TSC2: variants seen among roughly 807,000 people sequenced by gnomAD.
TSC2 encodes tuberin.
TSC2 carries 29 observed loss-of-function variants against 202.2 expected under a neutral mutation model. That is an observed-to-expected ratio of 0.14 (90% CI 0.11 to 0.20). The LOEUF (loss-of-function observed/expected upper bound fraction) is 0.20. TSC2 is among the 10% of genes least tolerant of loss of function. The pLI, the probability that TSC2 is intolerant of heterozygous loss-of-function variation, is 1.00. For missense variants in TSC2, 2,429 were observed against 2,420.0 expected (o/e 1.00, Z -0.08); for synonymous variants, 1,349 against 1,044.0 (o/e 1.29, Z -5.63).
rs575957476 is a variant in TSC2, at chr16:2,068,176, A to G, written c.1717-2280A>G. 5.3e-5 allele frequency among the ~76,000 whole-genome samples: 8 copies of G among 152,238 alleles called. No homozygotes were observed. The South Asian group carries it at 1.7e-3, about 32-fold the overall frequency. On this transcript the variant is annotated intron_variant, in intron 16 of 41. Transcript: ENST00000219476. ...TGCCTCAGCCTCCTGAGTAGCTGAG[A>G]TGACAGGTGCGCACCACCACACCTG...
At position 2,081,729 on chromosome 16, in the gene TSC2, C is replaced by T. The variant is rs1596400436; in HGVS notation, c.3745C>T (p.Leu1249=). ...ERFKEHRDTA[L]YKSLSVPAAS... ...CTTCAAGGAGCACCGGGACACAGCCCTGTACAAGTCACTGTCGGTGCCGGC... is the reference window on the plus strand; with the variant it reads ...CTTCAAGGAGCACCGGGACACAGCCTTGTACAAGTCACTGTCGGTGCCGGC... Residue 1249 remains leucine, a synonymous_variant, in exon 31 of 42, where the codon CTG becomes TTG. Coordinates refer to ENST00000219476, the MANE Select transcript of TSC2 (RefSeq NM_000548.5). The T allele has an allele frequency of 6.2e-7, 1 of 1,612,992 alleles. No individual in the cohort carries two copies. Among genetic ancestry groups the T allele is most frequent in the Non-Finnish European group, 8.5e-7 (1 of 1,180,018 alleles).
At chr16:2,080,518 C>T (rs965176799) in intron 30 of TSC2, 141 bp downstream of exon 30, 1 of 978,272 alleles carries the variant, frequency 1.0e-6, no homozygotes, top group South Asian at 1.7e-5. Context: ...GAGTCTTGCT[C>T]TGTGGCCCAC....
chr16:2,062,394 C>T (rs926491895), intron 12 of TSC2, 103 bp from the exon 13 acceptor site: 161 of 1,114,876 alleles, frequency 1.4e-4, no homozygotes, highest in Non-Finnish European at 2.0e-4. Context: ...GGCTGTGAGG[C>T]GGCTGGGCTC....
intron 36 of TSC2, among the ~76,000 whole-genome samples, chr16:2,085,875 G>C (rs1004573489): frequency 6.6e-6 from 1 of 152,104 alleles, no homozygotes; most frequent in Non-Finnish European, 1.5e-5. Flanking sequence ...TGTGTGGCTC[G>C]AGGAGGTGGG....
intron 6 of TSC2, chr16:2,055,721 T>C: frequency 1.8e-6 from 1 of 550,424 alleles, no homozygotes; most frequent in East Asian, 3.4e-5. Context: ...TGAAACCCTG[T>C]CTCTACTAAA....
In TSC2 at chr16:2,088,830, G is replaced by C. The variant is rs563951265; in HGVS notation, c.*220G>C. The stretch of plus-strand genomic sequence containing the variant: ...CACAGAAGCAGGCACAGCCAGCTCC[G>C]AGGGCCTTGAGGCTGCCTGGGCCAT... On this transcript the variant is annotated 3_prime_UTR_variant, in exon 42 of 42. Coordinates refer to ENST00000219476, the MANE Select transcript of TSC2 (RefSeq NM_000548.5). 5.3e-5 allele frequency: 33 copies of C among 618,712 alleles called. No individual in the cohort carries two copies. The highest frequency in any genetic ancestry group is 9.0e-5 in the Admixed American group (3 of 33,304). The allele number at this position is 618,712 out of a possible 1,614,324, so 38.3% of individuals were successfully genotyped here. A position where few individuals can be genotyped will look rare whatever the true frequency, so the allele number is the denominator to read the frequency against.
chr16:2,067,686 CTT>C (rs1366231764), intron 16 of TSC2, among the ~76,000 whole-genome samples: 1 of 152,230 alleles, frequency 6.6e-6, no homozygotes, highest in Non-Finnish European at 1.5e-5. Context: ...AGGAGAATCA[CTT>C]GAACCCATGA....
rs897795788 is a variant in TSC2, at chr16:2,071,455, C to T, written c.1840-55C>T. On this transcript the variant is annotated intron_variant, in intron 17 of 41. Transcript: ENST00000219476. ...TGGGTCTGAGCAGGTGGGACGCCGC[C>T]TGTCCTGGGCCTGCACGAGCTTGGC... 47 of 1,601,838 alleles carry T rather than the reference C, an allele frequency of 2.9e-5. No homozygotes were observed. The Admixed American group carries it at 3.4e-4, about 12-fold the overall frequency.
At position 2,072,295 on chromosome 16, in the gene TSC2, C is replaced by A. The variant is rs182538665; in HGVS notation, c.2152C>A (p.Arg718Ser). Reference sequence around the variant, plus strand: ...TCTGGGCAGGCTGCCTGAGTCCCTGCGCTATAAAGTGCTCATCTTTACTTC... The same window carrying A: ...TCTGGGCAGGCTGCCTGAGTCCCTGAGCTATAAAGTGCTCATCTTTACTTC... ...LVLGRLPESL[R>S]YKVLIFTSPC... Residue 718 changes from arginine (R) to serine (S), a missense_variant, in exon 20 of 42, where the codon CGC becomes AGC. Transcript: ENST00000219476. 6.2e-7 allele frequency: 1 copy of A among 1,614,126 alleles called. No individual in the cohort carries two copies. The highest frequency in any genetic ancestry group is 8.5e-7 in the Non-Finnish European group (1 of 1,180,046).
At chr16:2,071,389 A>G (rs1270505319) in intron 17 of TSC2, 121 bp from the exon 18 acceptor site, 2 of 934,318 alleles carry the variant, frequency 2.1e-6, no homozygotes, top group Non-Finnish European at 3.4e-6. Flanking sequence ...GTGTGTGCAC[A>G]TCAGCAGGTG....
In TSC2 at chr16:2,088,858, AGCACACTCGCGCGTGCGC is replaced by A. The variant is rs1567137637; in HGVS notation, c.*251_*268del. The A allele has an allele frequency of 2.5e-5, 14 of 560,956 alleles. No homozygotes were observed. The highest frequency in any genetic ancestry group is 4.1e-5 in the Non-Finnish European group (13 of 316,490). The allele number at this position is 560,956 out of a possible 1,614,324, so 34.7% of individuals were successfully genotyped here. A position where few individuals can be genotyped will look rare whatever the true frequency, so the allele number is the denominator to read the frequency against. ...GGCCTTGAGGCTGCCTGGGCCATAC[AGCACACTCGCGCGTGCGC>A]GCGCGCACACACACACACACACAGT... On this transcript the variant is annotated 3_prime_UTR_variant, in exon 42 of 42. Transcript: ENST00000219476.
At chr16:2,050,336 A>G (rs2084944514) in intron 2 of TSC2, 64 bp from the exon 3 acceptor site, 4 of 1,454,528 alleles carry the variant, frequency 2.8e-6, no homozygotes, top group Non-Finnish European at 3.9e-6. Flanking sequence ...GTGGTTTGTG[A>G]CTTGCAGTTA....
intron 4 of TSC2, 144 bp from the exon 5 acceptor site, chr16:2,054,152 C>G: frequency 7.6e-7 from 1 of 1,310,544 alleles, no homozygotes; most frequent in South Asian, 1.2e-5. Flanking sequence ...GCTGATGCTG[C>G]AGACCTGTCT....
rs989487316 is a variant in TSC2, at chr16:2,088,524, A to C, written c.5338A>C (p.Thr1780Pro). ...GTCCCATAGCAAAGCCCCTGCACAG[A>C]CTCCAGCCGAGCCCACACCTGGCTA... is the stretch of plus-strand genomic sequence containing the variant. ...PPSHSKAPAQ[T>P]PAEPTPGYEV... The change falls in exon 42 of 42, where the codon ACT (threonine) becomes CCT (proline). Residue 1780 changes from threonine to proline, a missense_variant. Physicochemically the swap from Thr to Pro is conservative, Grantham distance 38 (BLOSUM62 -1). Coordinates refer to ENST00000219476, the MANE Select transcript of TSC2 (RefSeq NM_000548.5). 4 of 1,611,318 alleles carry C rather than the reference A, an allele frequency of 2.5e-6. No individual in the cohort carries two copies. The highest frequency in any genetic ancestry group is 3.4e-6 in the Non-Finnish European group (4 of 1,179,600).
At chr16:2,081,941 G>T in intron 31 of TSC2, 143 bp downstream of exon 31, 2 of 1,203,368 alleles carry the variant, frequency 1.7e-6, no homozygotes, top group Non-Finnish European at 1.2e-6. Flanking sequence ...TTGTTCTCCG[G>T]TGTTTGGGAG....
At position 2,058,878 on chromosome 16, in the gene TSC2, G is replaced by T. The variant is rs45458600; in HGVS notation, c.975+5G>T. 1 of 1,606,730 alleles carries T rather than the reference G, an allele frequency of 6.2e-7. No individual in the cohort carries two copies. Among genetic ancestry groups the T allele is most frequent in the Non-Finnish European group, 8.5e-7 (1 of 1,176,924 alleles). ...GTGTTGCCATCATTTTACCAGGTAA[G>T]GCGGTTTCTGTGTGCAGTGAGCTGG... On this transcript the variant is annotated splice_donor_5th_base_variant and intron_variant, in intron 10 of 41. Transcript: ENST00000219476.
At chr16:2,050,591 G>A in intron 3 of TSC2, 105 bp downstream of exon 3, 2 of 777,834 alleles carry the variant, frequency 2.6e-6, no homozygotes, top group Non-Finnish European at 4.1e-6. Context: ...CGATGATCTG[G>A]TTTGCACTTT....
rs1470229525 is a variant in TSC2, at chr16:2,065,629, C to T, written c.1710C>T (p.Ile570=). The T allele has an allele frequency of 1.2e-6, 2 of 1,613,570 alleles. No individual in the cohort carries two copies. Among genetic ancestry groups the T allele is most frequent in the Non-Finnish European group, 1.7e-6 (2 of 1,179,924 alleles). The change falls in exon 16 of 42, where the codon ATC becomes ATT. Residue 570 remains isoleucine, a synonymous_variant. Transcript: ENST00000219476. ...VKTAVLGLLV[I]LQTKLYTLPA... The stretch of plus-strand genomic sequence containing the variant: ...CAGCCGTCCTGGGGCTTCTGGTCAT[C>T]CTTCAGGTGGGTGTTCTGCACGAGG...
Position 2,072,382 on chromosome 16 carries a change from G to A in TSC2, c.2220+19G>A, listed in dbSNP as rs773899141. 6.2e-7 allele frequency: 1 copy of A among 1,613,220 alleles called. No individual in the cohort carries two copies. Among genetic ancestry groups the A allele is most frequent in the Non-Finnish European group, 8.5e-7 (1 of 1,179,442 alleles). ...CTCCATGGTACCATGGCCGGCCTGG[G>A]GTTGGGGTGGGGGACCCAGTAGGGT... On this transcript the variant is annotated intron_variant, in intron 20 of 41. Transcript: ENST00000219476.
Sources: allele counts gnomAD v4.1 joint callset (sites outside exome capture counted in the v4.1 genomes callset), GRCh38; gene constraint gnomAD v4.1.1; transcripts MANE v1.5; gene names NCBI Gene and HGNC (gene_info 2026-07-23, HGNC 2026-07-21).